ACSS1: variants seen among roughly 807,000 people sequenced by gnomAD.
ACSS1 encodes the protein acetyl-coenzyme A synthetase 2-like, mitochondrial.
In ACSS1, 42 loss-of-function variants were observed where a neutral mutation model predicts 75.3. The ratio of observed to expected loss-of-function variants is 0.56; its 90% CI spans 0.44 to 0.72. The LOEUF is 0.72. ACSS1 is among the 30% of genes least tolerant of loss of function. The pLI, the probability that ACSS1 is intolerant of heterozygous loss-of-function variation, is 0.00. For synonymous variants in ACSS1, 380 were observed against 376.8 expected, an observed-to-expected ratio of 1.01 and a Z score of -0.10; for missense variants, 782 against 935.7, an observed-to-expected ratio of 0.84 and a Z score of 2.14.
chr20:25,029,775 G>A (rs1366105531), intron 3 of ACSS1, among the ~76,000 whole-genome samples: 1 of 152,200 alleles, frequency 6.6e-6, no homozygotes, highest in African/African-American at 2.4e-5. Context: ...ATAACACTGT[G>A]AATGTACTTA....
chr20:25,057,939 G>T lies in ACSS1; in HGVS notation c.164C>A (p.Pro55Gln), dbSNP rs1425708645. ...APAVAAAAAQ[P>Q]GSYPALSAQA... is the part of the protein sequence containing the mutation. The stretch of plus-strand genomic sequence containing the variant: ...TGCACTCAGCGCGGGATACGAGCCT[G>T]GCTGTGCTGCTGCTGCTGCAACTGC... Residue 55 changes from proline to glutamine, a missense_variant, in exon 1 of 14, where the codon CCA (proline) becomes CAA (glutamine). By Grantham distance (76) the Pro-to-Gln change is moderately conservative. Coordinates refer to ENST00000323482, the MANE Select transcript of ACSS1 (RefSeq NM_032501.4). The T allele has an allele frequency of 6.2e-7, 1 of 1,606,562 alleles. No homozygotes were observed. The highest frequency in any genetic ancestry group is 1.3e-5 in the African/African-American group (1 of 74,738).
chr20:25,052,969 A>C (rs2089194748), intron 1 of ACSS1, among the ~76,000 whole-genome samples: 1 of 152,198 alleles, frequency 6.6e-6, no homozygotes. Context: ...TGCTTATTTA[A>C]ATACATCCCT....
At position 25,048,136 on chromosome 20, in the gene ACSS1, G is replaced by A. The variant is rs750669878; in HGVS notation, c.380C>T (p.Ala127Val). ...AGGCTCATCGCGCTCCCAGATCAAA[G>A]CAACGCTCTCGGGGGACTTCCGAAC... ...QHVRKSPESV[A>V]LIWERDEPGT... Residue 127 changes from alanine (A) to valine (V), a missense_variant, in exon 2 of 14, where the codon GCT becomes GTT. Physicochemically the swap from Ala to Val is moderately conservative, Grantham distance 64. Transcript: ENST00000323482. The A allele has an allele frequency of 1.2e-6, 2 of 1,613,654 alleles. No homozygotes were observed. Among genetic ancestry groups the A allele is most frequent in the Non-Finnish European group, 1.7e-6 (2 of 1,180,008 alleles).
Position 25,047,117 on chromosome 20 carries a change from T to C in ACSS1, c.431+968A>G, listed in dbSNP as rs376856873. Reference sequence around the variant, plus strand: ...CAGGTTTGGTGAATTTGGTCTGTGATAAAATTGGAGTTCAAGAAACAAACA... The same window carrying C: ...CAGGTTTGGTGAATTTGGTCTGTGACAAAATTGGAGTTCAAGAAACAAACA... On this transcript the variant is annotated intron_variant, in intron 2 of 13. Coordinates refer to ENST00000323482, the MANE Select transcript of ACSS1 (RefSeq NM_032501.4). Among the ~76,000 whole-genome samples the C allele has an allele frequency of 1.2e-4, 18 of 152,280 alleles. No homozygotes were observed. In the East Asian group the frequency reaches 3.1e-3, roughly 26 times the overall value.
In ACSS1 at chr20:25,006,953, G is replaced by C; in HGVS notation, c.*809C>G. 6.5e-7 allele frequency: 1 copy of C among 1,535,250 alleles called. No individual in the cohort carries two copies. The highest frequency in any genetic ancestry group is 2.0e-5 in the Admixed American group (1 of 50,950). On this transcript the variant is annotated 3_prime_UTR_variant, in exon 14 of 14. Transcript: ENST00000323482. The stretch of plus-strand genomic sequence containing the variant: ...TGCCTCTCCTATCAAGAGGCATCTG[G>C]GGGCACAAAAATCTTTCTGGATCAC...
chr20:25,012,552 T>G, intron 12 of ACSS1, 49 bp downstream of exon 12: 2 of 1,604,376 alleles, frequency 1.2e-6, no homozygotes, highest in Non-Finnish European at 1.7e-6. Context: ...GTGCCCATAA[T>G]GGGTGTGGGG....
In ACSS1 at chr20:25,007,868, T is replaced by C; in HGVS notation, c.1964A>G (p.Glu655Gly). Reference sequence around the variant, plus strand: ...GGTAGTGTCTCCCAGCTCCTGGGCCTCACTAGTGATGATCTTCCTCAGGAG... The same window carrying C: ...GGTAGTGTCTCCCAGCTCCTGGGCCCCACTAGTGATGATCTTCCTCAGGAG... The part of the protein sequence containing the change: ...RRLLRKIITS[E>G]AQELGDTTTL... The change falls in exon 14 of 14, where the codon GAG becomes GGG. Residue 655 changes from glutamate to glycine, a missense_variant. Glu to Gly is a moderately conservative substitution (Grantham distance 98, BLOSUM62 -2). This residue lies in a region of ACSS1 where 405 missense variants were observed against 552.6 expected (regional missense o/e 0.73). Coordinates refer to ENST00000323482, the MANE Select transcript of ACSS1 (RefSeq NM_032501.4). 2.5e-6 allele frequency: 4 copies of C among 1,614,186 alleles called. No homozygotes were observed. Among genetic ancestry groups the C allele is most frequent in the Non-Finnish European group, 3.4e-6 (4 of 1,180,018 alleles).
At chr20:25,010,891 G>A (rs899070264) in intron 12 of ACSS1, 2 of 152,352 alleles carry the variant, frequency 1.3e-5, no homozygotes, top group Admixed American at 6.5e-5. Flanking sequence ...TCCTAGACAA[G>A]GTCCAGGGGC....
chr20:25,033,320 C>T (rs1237877723), intron 2 of ACSS1, among the ~76,000 whole-genome samples: 1 of 152,230 alleles, frequency 6.6e-6, no homozygotes, highest in Non-Finnish European at 1.5e-5. Flanking sequence ...GGACACTGGA[C>T]TGTCCCTACA....
At chr20:25,053,031 T>C (rs1262343622) in intron 1 of ACSS1, among the ~76,000 whole-genome samples, 2 of 151,786 alleles carry the variant, frequency 1.3e-5, no homozygotes, top group Non-Finnish European at 2.9e-5. Context: ...GAAATTCAAT[T>C]TGAATACGGA....
intron 9 of ACSS1, 144 bp downstream of exon 9, chr20:25,013,817 A>G (rs939727369): frequency 8.3e-6 from 11 of 1,324,864 alleles, no homozygotes; most frequent in Non-Finnish European, 1.1e-5. Flanking sequence ...TACCCAGTGC[A>G]TGATACCAGC....
intron 3 of ACSS1, among the ~76,000 whole-genome samples, chr20:25,027,635 G>C (rs781116800): frequency 6.6e-6 from 1 of 152,038 alleles, no homozygotes. Flanking sequence ...AATGGATAAA[G>C]AGCATCTGAA....
intron 3 of ACSS1, among the ~76,000 whole-genome samples, chr20:25,029,003 A>C (rs2122675759): frequency 6.6e-6 from 1 of 152,334 alleles, no homozygotes; most frequent in African/African-American, 2.4e-5. Flanking sequence ...CAGCAAAGAC[A>C]CAAGCAACAA....
intron 2 of ACSS1, among the ~76,000 whole-genome samples, chr20:25,037,678 A>T (rs2088935720): frequency 1.3e-5 from 2 of 152,330 alleles, no homozygotes; most frequent in South Asian, 4.1e-4. Context: ...TCAGGAACAT[A>T]TTCGTAGTAA....
chr20:25,045,528 C>T (rs8118803), intron 2 of ACSS1, among the ~76,000 whole-genome samples: 30,856 of 152,216 alleles, frequency 0.2, 3,982 homozygotes, highest in African/African-American at 0.36. Flanking sequence ...TCGGCACCAG[C>T]GTCCCAACCT....
chr20:25,007,836 C>T lies in ACSS1; in HGVS notation c.1996G>A (p.Glu666Lys), dbSNP rs2088335948. The T allele has an allele frequency of 1.2e-6, 2 of 1,614,072 alleles. No homozygotes were observed. Among genetic ancestry groups the T allele is most frequent in the African/African-American group, 2.7e-5 (2 of 74,920 alleles). The change falls in exon 14 of 14, where the codon GAG (glutamate) becomes AAG (lysine). Residue 666 changes from glutamate to lysine, a missense_variant. By Grantham distance (56) the Glu-to-Lys change is moderately conservative. Transcript: ENST00000323482. ...AQELGDTTTL[E>K]DPSIIAEILS... ...ATCTCTGCGATGATGCTGGGGTCCT[C>T]CAAGGTGGTAGTGTCTCCCAGCTCC...
rs140021602 is a variant in ACSS1, at chr20:25,026,933, A to C, written c.632-3292T>G. 2.8e-3 allele frequency among the ~76,000 whole-genome samples: 420 copies of C among 152,354 alleles called. 2 individuals carry two copies. The highest frequency in any genetic ancestry group is 9.9e-3 in the African/African-American group (412 of 41,588). On this transcript the variant is annotated intron_variant, in intron 3 of 13. Transcript: ENST00000323482. ...CATCCAGCTACTAAATCCCCACATG[A>C]TGAAGTCACCAAGAGTCAACTGCTA...
At chr20:25,032,112 G>T (rs1189244801) in intron 2 of ACSS1, among the ~76,000 whole-genome samples, 1 of 152,130 alleles carries the variant, frequency 6.6e-6, no homozygotes, top group African/African-American at 2.4e-5. Context: ...GGAAAGCACT[G>T]GGCACAAGGT....
At chr20:25,047,056 G>A (rs6115015) in intron 2 of ACSS1, among the ~76,000 whole-genome samples, 93,527 of 152,028 alleles carry the variant, frequency 0.62, 29,162 homozygotes, top group East Asian at 0.75. Context: ...AGCATCACTC[G>A]TCTGCCTCCA....
Sources: gnomAD v4.1 joint callset for allele counts (sites outside exome capture counted in the v4.1 genomes callset) on GRCh38, gnomAD v4.1.1 for gene constraint, gnomAD v4.1.1 regional missense constraint, MANE v1.5 for transcripts, NCBI Gene and HGNC (gene_info 2026-07-23, HGNC 2026-07-21) for gene names.